Variants in GOLGA6C observed in about 807,000 individuals in gnomAD.
GOLGA6C encodes the protein golgin subfamily A member 6C.
In GOLGA6C, 3 loss-of-function variants were observed where a neutral mutation model predicts 57.5. That is an observed-to-expected ratio of 0.05 (90% CI 0.02 to 0.13). The LOEUF (loss-of-function observed/expected upper bound fraction) is 0.13, where lower values mean the gene tolerates loss of function less well. Ranked by LOEUF, GOLGA6C falls within the 10% of genes least tolerant of loss-of-function variation. The pLI is 1.00. For synonymous variants in GOLGA6C, 32 were observed against 203.8 expected (o/e 0.16, Z 7.18); for missense variants, 88 against 525.6 (o/e 0.17, Z 8.14).
rs1405020822 is a variant in GOLGA6C, at chr15:75,260,454, G to C, written c.166G>C (p.Glu56Gln). The change falls in exon 2 of 18, where the codon GAG (glutamate) becomes CAG (glutamine). Residue 56 changes from glutamate (E) to glutamine (Q), a missense_variant. By Grantham distance (29) the Glu-to-Gln change is conservative (BLOSUM62 2). Transcript: ENST00000300576. ...AAAGAAAAAAACTGACAGTAGCCCTGAGACAACCACTTCCGGTGGTGGCCA... is the reference window on the plus strand; with the variant it reads ...AAAGAAAAAAACTGACAGTAGCCCTCAGACAACCACTTCCGGTGGTGGCCA... ...TKKKKTDSSP[E>Q]TTTSGGGHSP... 6.4e-7 allele frequency: 1 copy of C among 1,559,568 alleles called. No individual in the cohort carries two copies. Among genetic ancestry groups the C allele is most frequent in the South Asian group, 1.1e-5 (1 of 88,354 alleles).
chr15:75,258,545 C>T lies in GOLGA6C; in HGVS notation c.-54C>T, dbSNP rs2070717570. On this transcript the variant is annotated 5_prime_UTR_variant, in exon 1 of 18. Coordinates refer to ENST00000300576, the MANE Select transcript of GOLGA6C (RefSeq NM_001164404.2). The stretch of plus-strand genomic sequence containing the variant: ...GCATTCTAGTGTGGCCCTGGTTACG[C>T]CTCCTCTGGCTCAGTCACACAGCAG... 4.3e-6 allele frequency: 2 copies of T among 459,928 alleles called. No homozygotes were observed. The highest frequency in any genetic ancestry group is 7.6e-6 in the Non-Finnish European group (2 of 261,620). 28.5% of individuals were successfully genotyped at this position (459,928 alleles called of 1,614,324 possible).
Position 75,270,092 on chromosome 15 carries a change from G to A in GOLGA6C, c.1975G>A (p.Asp659Asn), listed in dbSNP as rs1340972985. Residue 659 changes from aspartate (D) to asparagine (N), a missense_variant, in exon 18 of 18, where the codon GAC becomes AAC. Asp to Asn is a conservative substitution (Grantham distance 23). Coordinates refer to ENST00000300576, the MANE Select transcript of GOLGA6C (RefSeq NM_001164404.2). ...EQDDFYEVSLDNNVEPAPGAA... is the reference protein window; with the variant it reads ...EQDDFYEVSLNNNVEPAPGAA... ...CGAAGATTTTTATGAAGTGAGCCTG[G>A]ACAACAACGTGGAGCCTGCACCAGG... 3 of 1,603,612 alleles carry A rather than the reference G, an allele frequency of 1.9e-6. No individual in the cohort carries two copies. The African/African-American group carries it at 4.2e-5, about 22-fold the overall frequency.
At chr15:75,264,437 G>GGGGT (rs2070747583) in intron 7 of GOLGA6C, among the ~76,000 whole-genome samples, 1 of 110,172 alleles carries the variant, frequency 9.1e-6, no homozygotes, top group African/African-American at 4.0e-5. Context: ...AGAGAGGAAA[G>GGGGT]GGGTGTGTGT....
intron 7 of GOLGA6C, among the ~76,000 whole-genome samples, chr15:75,264,440 GT>G (rs2070747844): frequency 0.051 from 467 of 9,218 alleles, 20 homozygotes; most frequent in African/African-American, 0.1. Context: ...GAGGAAAGGG[GT>G]GTGTGTGTGT....
At chr15:75,259,257 T>C (rs2070724052) in intron 1 of GOLGA6C, among the ~76,000 whole-genome samples, 1 of 144,120 alleles carries the variant, frequency 6.9e-6, no homozygotes, top group South Asian at 2.1e-4. Context: ...GAGTGGAATG[T>C]AGTGATGTCA....
In GOLGA6C at chr15:75,258,652, AC is replaced by A. The variant is rs2070718453; in HGVS notation, c.55del (p.Gln19ArgfsTer11). The A allele has an allele frequency of 4.2e-6, 2 of 479,010 alleles. No homozygotes were observed. The highest frequency in any genetic ancestry group is 3.4e-5 in the African/African-American group (1 of 29,710). The allele number at this position is 479,010 out of a possible 1,614,324, so 29.7% of individuals were successfully genotyped here. On this transcript the variant is annotated frameshift_variant, in exon 1 of 18. Coordinates refer to ENST00000300576, the MANE Select transcript of GOLGA6C (RefSeq NM_001164404.2). LOFTEE classifies it high-confidence loss of function. ...ACCCCATGATGTTAGAAGAATCTCG[AC>A]AGAATAAATTGGCAGCAGCCAAGAA... ...PHPMMLEESRQNKLAAAKKKL... is the reference protein window; with the variant it reads ...PHPMMLEESRXNKLAAAKKKL...
chr15:75,264,938 G>C (rs1338320054), intron 7 of GOLGA6C, among the ~76,000 whole-genome samples, 184 bp from the exon 8 acceptor site: 1 of 150,048 alleles, frequency 6.7e-6, no homozygotes, highest in Non-Finnish European at 1.5e-5. Context: ...CTGTTAGCCA[G>C]CTGTAAATTC....
In GOLGA6C at chr15:75,269,269, C is replaced by G. The variant is rs878949644; in HGVS notation, c.1594-184C>G. On this transcript the variant is annotated intron_variant, in intron 14 of 17. Transcript: ENST00000300576. ...TCTGGTGGCCTTGGCCTGGAAGGAG[C>G]CAGAGGCAGAGGCCCCAGCCCCAGG... Among the ~76,000 whole-genome samples the G allele has an allele frequency of 8.6e-4, 125 of 145,864 alleles. 1 individual carries two copies. In the Middle Eastern group the frequency reaches 0.011, roughly 12 times the overall value.
intron 10 of GOLGA6C, 94 bp downstream of exon 10, chr15:75,265,798 G>A: frequency 2.2e-6 from 1 of 450,384 alleles, no homozygotes; most frequent in Admixed American, 4.0e-5. Context: ...TGGGTGGAAG[G>A]GCTTTGAGGC....
At chr15:75,269,165 G>A (rs1380778632) in intron 14 of GOLGA6C, among the ~76,000 whole-genome samples, 1 of 145,322 alleles carries the variant, frequency 6.9e-6, no homozygotes, top group African/African-American at 2.7e-5. Context: ...AACTCCGCTG[G>A]AGCCAGTTCC....
chr15:75,264,445 TG>T (rs2070748001), intron 7 of GOLGA6C, among the ~76,000 whole-genome samples: 2 of 134,854 alleles, frequency 1.5e-5, no homozygotes, highest in South Asian at 2.5e-4. Flanking sequence ...AAGGGGTGTG[TG>T]TGTGTGTGTG....
rs1213032655 is a variant in GOLGA6C at position 75,268,872 on chromosome 15, A to C, written c.1577A>C (p.Glu526Ala). The C allele has an allele frequency of 3.4e-6, 3 of 870,692 alleles. No homozygotes were observed. Among genetic ancestry groups the C allele is most frequent in the Non-Finnish European group, 3.7e-6 (2 of 545,594 alleles). The allele number at this position is 870,692 out of a possible 1,614,324, so 53.9% of individuals were successfully genotyped here. A position where few individuals can be genotyped will look rare whatever the true frequency, so the allele number is the denominator to read the frequency against. The change falls in exon 14 of 18, where the codon GAG becomes GCG. Residue 526 changes from glutamate (E) to alanine (A), a missense_variant. Transcript: ENST00000300576. Reference sequence around the variant, plus strand: ...ACGCCAAACATCCCAGAGGACCTGGAGAGCCGGGAGGCCACGGTGAGCCTG... The same window carrying C: ...ACGCCAAACATCCCAGAGGACCTGGCGAGCCGGGAGGCCACGGTGAGCCTG... ...RPTPNIPEDLESREATSSFMD... is the reference protein window; with the variant it reads ...RPTPNIPEDLASREATSSFMD...
intron 7 of GOLGA6C, 75 bp from the exon 8 acceptor site, chr15:75,265,047 G>A: frequency 6.4e-7 from 1 of 1,572,208 alleles, no homozygotes. Context: ...GTTGTATATT[G>A]AGCCTAGCCC....
chr15:75,270,306 A>G lies in GOLGA6C; in HGVS notation c.*107A>G. The G allele has an allele frequency of 6.7e-7, 1 of 1,500,648 alleles. No individual in the cohort carries two copies. The highest frequency in any genetic ancestry group is 8.9e-7 in the Non-Finnish European group (1 of 1,123,796). 93.0% of individuals were successfully genotyped at this position (1,500,648 alleles called of 1,614,324 possible). On this transcript the variant is annotated 3_prime_UTR_variant, in exon 18 of 18. Transcript: ENST00000300576. ...TTCTAAGAGCTGGTCAAGAAATTTAAAACAACAACAACAAAAAGTTACGGG... is the reference window on the plus strand; with the variant it reads ...TTCTAAGAGCTGGTCAAGAAATTTAGAACAACAACAACAAAAAGTTACGGG...
intron 2 of GOLGA6C, among the ~76,000 whole-genome samples, chr15:75,260,719 G>A (rs2070732275): frequency 1.3e-5 from 2 of 148,782 alleles, no homozygotes; most frequent in Non-Finnish European, 3.0e-5. Context: ...GTTTAAATGA[G>A]ATTCCTTATT....
In GOLGA6C at chr15:75,269,156, A is replaced by C. The variant is rs1354043410; in HGVS notation, c.1593+268A>C. Among the ~76,000 whole-genome samples the C allele has an allele frequency of 3.1e-3, 424 of 137,918 alleles. 11 individuals carry two copies. Among genetic ancestry groups the C allele is most frequent in the South Asian group, 5.2e-3 (22 of 4,244 alleles). The allele number at this position is 137,918 out of a possible 152,430, so 90.5% of individuals were successfully genotyped here. A position where few individuals can be genotyped will look rare whatever the true frequency, so the allele number is the denominator to read the frequency against. On this transcript the variant is annotated intron_variant, in intron 14 of 17. Coordinates refer to ENST00000300576, the MANE Select transcript of GOLGA6C (RefSeq NM_001164404.2). ...TCTTGCCTTCAAGTGGCATTTTTCA[A>C]CTCCGCTGGAGCCAGTTCCCAGGAG...
intron 1 of GOLGA6C, 135 bp downstream of exon 1, chr15:75,258,817 C>A (rs2070719754): frequency 1.3e-6 from 1 of 793,840 alleles, no homozygotes; most frequent in Non-Finnish European, 2.1e-6. Context: ...CCTCTGGGCT[C>A]CCCCCACCAA....
rs1441011134 is a variant in GOLGA6C, at chr15:75,273,402, C to T, written c.*3203C>T. 6.6e-6 allele frequency among the ~76,000 whole-genome samples: 1 copy of T among 152,212 alleles called. No homozygotes were observed. The highest frequency in any genetic ancestry group is 1.5e-5 in the Non-Finnish European group (1 of 68,044). ...CTGTTGCCTAAAGTGGCATTGTTGACTGCTACTGTGATGCTACTGTAATGT... is the reference window on the plus strand; with the variant it reads ...CTGTTGCCTAAAGTGGCATTGTTGATTGCTACTGTGATGCTACTGTAATGT... On this transcript the variant is annotated 3_prime_UTR_variant, in exon 18 of 18. Transcript: ENST00000300576.
At position 75,272,472 on chromosome 15, in the gene GOLGA6C, C is replaced by T. The variant is rs1300605838; in HGVS notation, c.*2273C>T. Among the ~76,000 whole-genome samples the T allele has an allele frequency of 1.3e-5, 2 of 151,894 alleles. No individual in the cohort carries two copies. Among genetic ancestry groups the T allele is most frequent in the Non-Finnish European group, 2.9e-5 (2 of 68,036 alleles). ...ATTCTGAAACTGGGTTTACCTAATACATTGATAAATTATTTCAAAGGTATT... is the reference window on the plus strand; with the variant it reads ...ATTCTGAAACTGGGTTTACCTAATATATTGATAAATTATTTCAAAGGTATT... On this transcript the variant is annotated 3_prime_UTR_variant, in exon 18 of 18. Transcript: ENST00000300576.
Sources: gnomAD v4.1 joint callset for allele counts (sites outside exome capture counted in the v4.1 genomes callset) on GRCh38, gnomAD v4.1.1 for gene constraint, MANE v1.5 for transcripts, NCBI Gene and HGNC (gene_info 2026-07-23, HGNC 2026-07-21) for gene names.